BLOC1S2: variants seen among roughly 807,000 people sequenced by gnomAD.
BLOC1S2 encodes the protein biogenesis of lysosomal organelles complex 1 subunit 2.
In BLOC1S2, 12 loss-of-function variants were observed where a neutral mutation model predicts 19.6. The ratio of observed to expected loss-of-function variants is 0.61; its 90% confidence interval spans 0.39 to 0.99. BLOC1S2 has a LOEUF of 0.99. Among genes scored for constraint, BLOC1S2 ranks in the 50% least tolerant of loss-of-function variants. The pLI is 0.00. For missense variants in BLOC1S2, 142 were observed against 171.0 expected (o/e 0.83, Z 0.95); for synonymous variants, 66 against 64.1 (o/e 1.03, Z -0.14).
intron 4 of BLOC1S2, among the ~76,000 whole-genome samples, 185 bp from the exon 5 acceptor site, chr10:100,275,678 C>G (rs993808673): frequency 2.6e-5 from 4 of 152,188 alleles, no homozygotes; most frequent in African/African-American, 4.8e-5. Context: ...AGAATTCAAG[C>G]ACAGACACTC....
chr10:100,284,196 C>A (rs117498276), intron 2 of BLOC1S2, among the ~76,000 whole-genome samples: 4,266 of 152,302 alleles, frequency 0.028, 95 homozygotes, highest in Admixed American at 0.046. Context: ...GTGGTAAGGA[C>A]AAATTAGATA....
At position 100,276,323 on chromosome 10, in the gene BLOC1S2, CTCTCTCTCTCCCG is replaced by C. The variant is rs1564870898; in HGVS notation, c.398-843_398-831del. Reference sequence around the variant, plus strand: ...CTCTCCATCTCCCTCTCCCGTCTCCCTCTCTCTCTCCCGTCTCCCTCTCCCGTCTCCCTCTCCC... The same window carrying C: ...CTCTCCATCTCCCTCTCCCGTCTCCCTCTCCCTCTCCCGTCTCCCTCTCCC... On this transcript the variant is annotated intron_variant, in intron 4 of 4. Coordinates refer to ENST00000370372, the MANE Select transcript of BLOC1S2 (RefSeq NM_173809.5). Among the ~76,000 whole-genome samples, 48 of 55,122 alleles carry C rather than the reference CTCTCTCTCTCCCG, an allele frequency of 8.7e-4. 4 individuals are homozygous for C. The highest frequency in any genetic ancestry group is 1.9e-3 in the East Asian group (6 of 3,122). 36.2% of individuals were successfully genotyped at this position (55,122 alleles called of 152,430 possible).
In BLOC1S2 at chr10:100,281,016, A is replaced by C. The variant is rs1180742603; in HGVS notation, c.210T>G (p.Asn70Lys). Reference sequence around the variant, plus strand: ...CAAGATACTTCAAGCTGGTGAGTTTATTCATATTTTCCAGGAGCTTATAGT... The same window carrying C: ...CAAGATACTTCAAGCTGGTGAGTTTCTTCATATTTTCCAGGAGCTTATAGT... ...SEDYKLLENM[N>K]KLTSLKYLEM... is the part of the protein sequence containing the mutation. Residue 70 changes from asparagine (N) to lysine (K), a missense_variant, in exon 3 of 5, where the codon AAT becomes AAG. This residue lies in a region of BLOC1S2 where 94 missense variants were observed against 141.3 expected (regional missense o/e 0.67). Transcript: ENST00000370372. 6.2e-7 allele frequency: 1 copy of C among 1,613,716 alleles called. No homozygotes were observed. Among genetic ancestry groups the C allele is most frequent in the Non-Finnish European group, 8.5e-7 (1 of 1,179,896 alleles).
rs537275769 is a variant in BLOC1S2, at chr10:100,277,236, C to T, written c.398-1743G>A. ...GAGACCCTCCGCCTGGTAACCGCCCCGTCTGAGAAGTGAGGAGCCCCTCCG... is the reference window on the plus strand; with the variant it reads ...GAGACCCTCCGCCTGGTAACCGCCCTGTCTGAGAAGTGAGGAGCCCCTCCG... On this transcript the variant is annotated intron_variant, in intron 4 of 4. Transcript: ENST00000370372. Among the ~76,000 whole-genome samples the T allele has an allele frequency of 2.7e-3, 405 of 151,078 alleles. 1 individual carries two copies. The highest frequency in any genetic ancestry group is 9.1e-3 in the African/African-American group (375 of 41,110).
intron 2 of BLOC1S2, among the ~76,000 whole-genome samples, chr10:100,281,799 T>C (rs932306221): frequency 4.6e-5 from 7 of 151,920 alleles, no homozygotes; most frequent in Non-Finnish European, 1.0e-4. Flanking sequence ...CATGTATAAT[T>C]CTATATTGCA....
At chr10:100,279,048 T>C (rs1404313492) in intron 4 of BLOC1S2, among the ~76,000 whole-genome samples, 2 of 151,870 alleles carry the variant, frequency 1.3e-5, no homozygotes, top group Non-Finnish European at 2.9e-5. Context: ...GATCACGTCA[T>C]TGCACCCTAG....
intron 4 of BLOC1S2, among the ~76,000 whole-genome samples, chr10:100,277,382 G>A (rs1378843954): frequency 0.018 from 2,399 of 131,996 alleles, no homozygotes; most frequent in Non-Finnish European, 0.026. Flanking sequence ...GGTGAGGGGC[G>A]CCTCTGCCCG....
At chr10:100,276,231 G>T (rs1042040642) in intron 4 of BLOC1S2, among the ~76,000 whole-genome samples, 1 of 152,110 alleles carries the variant, frequency 6.6e-6, no homozygotes, top group East Asian at 1.9e-4. Flanking sequence ...GTCAGCCCTT[G>T]TTAAATGATG....
In BLOC1S2 at chr10:100,276,336, G is replaced by GTCTCCC. The variant is rs1564870958; in HGVS notation, c.398-849_398-844dup. ...TCTCCCGTCTCCCTCTCTCTCTCCC[G>GTCTCCC]TCTCCCTCTCCCGTCTCCCTCTCCC... On this transcript the variant is annotated intron_variant, in intron 4 of 4. Transcript: ENST00000370372. 3.8e-4 allele frequency among the ~76,000 whole-genome samples: 15 copies of GTCTCCC among 39,424 alleles called. 1 individual carries two copies. The highest frequency in any genetic ancestry group is 1.8e-3 in the African/African-American group (14 of 7,612). 25.9% of individuals were successfully genotyped at this position (39,424 alleles called of 152,430 possible).
intron 1 of BLOC1S2, 129 bp downstream of exon 1, chr10:100,286,476 G>A (rs775938487): frequency 1.0e-4 from 153 of 1,490,164 alleles, no homozygotes; most frequent in Non-Finnish European, 1.3e-4. Context: ...ACACTCGCGC[G>A]CAGCGACAAG....
chr10:100,281,686 A>C (rs1418757808), intron 2 of BLOC1S2, among the ~76,000 whole-genome samples: 1 of 100,656 alleles, frequency 9.9e-6, no homozygotes, highest in Non-Finnish European at 2.1e-5. Flanking sequence ...CCATCTCAAA[A>C]AAAAAAAATA....
At position 100,275,156 on chromosome 10, in the gene BLOC1S2, C is replaced by A. The variant is rs1447271546; in HGVS notation, c.*306G>T. The A allele has an allele frequency of 2.5e-6, 1 of 406,032 alleles. No individual in the cohort carries two copies. The highest frequency in any genetic ancestry group is 4.3e-6 in the Non-Finnish European group (1 of 230,202). 25.2% of individuals were successfully genotyped at this position (406,032 alleles called of 1,614,324 possible). A position where few individuals can be genotyped will look rare whatever the true frequency, so the allele number is the denominator to read the frequency against. ...CACTACCAGAGAAAATAGGTCCTCT[C>A]ATTTGATTTTACTGGTAAGTCCAGC... On this transcript the variant is annotated 3_prime_UTR_variant, in exon 5 of 5. Transcript: ENST00000370372.
intron 4 of BLOC1S2, among the ~76,000 whole-genome samples, chr10:100,276,994 T>C (rs1242728434): frequency 1.5e-4 from 23 of 149,724 alleles, no homozygotes; most frequent in Non-Finnish European, 3.1e-4. Context: ...CCCCTCTGCC[T>C]GGCTGCCCAG....
At chr10:100,277,805 G>A (rs868223537) in intron 4 of BLOC1S2, among the ~76,000 whole-genome samples, 3,406 of 121,966 alleles carry the variant, frequency 0.028, 25 homozygotes, top group African/African-American at 0.12. Flanking sequence ...CCCTCTGCCC[G>A]GCCAGCCGCC....
intron 2 of BLOC1S2, among the ~76,000 whole-genome samples, chr10:100,283,344 T>C (rs1848155937): frequency 6.6e-6 from 1 of 152,084 alleles, no homozygotes; most frequent in Non-Finnish European, 1.5e-5. Context: ...CTCTGGATGG[T>C]AGGGGAAAAG....
intron 3 of BLOC1S2, 103 bp downstream of exon 3, chr10:100,280,831 C>A: frequency 7.3e-7 from 1 of 1,368,420 alleles, no homozygotes; most frequent in South Asian, 1.7e-5. Flanking sequence ...AGAAAACAAG[C>A]TCCCACAAGA....
rs1449149616 is a variant in BLOC1S2 at position 100,273,434 on chromosome 10, TA to T, written c.*2027del. 26 of 152,176 alleles carry T rather than the reference TA, an allele frequency of 1.7e-4. No individual in the cohort carries two copies. The highest frequency in any genetic ancestry group is 6.3e-4 in the African/African-American group (26 of 41,444). The allele number at this position is 152,176 out of a possible 1,614,324, so 9.4% of individuals were successfully genotyped here. On this transcript the variant is annotated 3_prime_UTR_variant, in exon 5 of 5. Coordinates refer to ENST00000370372, the MANE Select transcript of BLOC1S2 (RefSeq NM_173809.5). ...CTGTATTATCTTTGCAACTTTCCCG[TA>T]AATCTAAATCTATTTTCAAAAAGTT...
At position 100,280,164 on chromosome 10, in the gene BLOC1S2, C is replaced by T. The variant is rs1848067708; in HGVS notation, c.357G>A (p.Glu119=). Residue 119 remains glutamate (E), a synonymous_variant, in exon 4 of 5, where the codon GAG becomes GAA. Coordinates refer to ENST00000370372, the MANE Select transcript of BLOC1S2 (RefSeq NM_173809.5). The stretch of plus-strand genomic sequence containing the variant: ...ATGCATCCAACTTGTAAGCTGCCTG[C>T]TCAAGAGCTGCTACCTGCTCTTCAA... The part of the protein sequence containing the change: ...NVIEEQVAAL[E]QAAYKLDAYS... 1.9e-6 allele frequency: 3 copies of T among 1,613,802 alleles called. No homozygotes were observed. Among genetic ancestry groups the T allele is most frequent in the African/African-American group, 2.7e-5 (2 of 75,026 alleles).
chr10:100,280,666 T>C (rs932326874), intron 3 of BLOC1S2, among the ~76,000 whole-genome samples: 7 of 152,192 alleles, frequency 4.6e-5, no homozygotes, highest in African/African-American at 1.7e-4. Flanking sequence ...GATTTGTAAA[T>C]CAATTCATTA....
Sources: allele counts gnomAD v4.1 joint callset (sites outside exome capture counted in the v4.1 genomes callset), GRCh38; gene constraint gnomAD v4.1.1; regional missense constraint gnomAD v4.1.1; transcripts MANE v1.5; gene names NCBI Gene and HGNC (gene_info 2026-07-23, HGNC 2026-07-21).